Variants in EPB41L5 observed in about 807,000 individuals in gnomAD.
EPB41L5 encodes the protein band 4.1-like protein 5.
A neutral mutation model predicts 106.6 loss-of-function variants in EPB41L5; 55 were observed. That is an observed-to-expected ratio of 0.52 (90% CI 0.42 to 0.65). EPB41L5 has a LOEUF of 0.65. Among genes scored for constraint, EPB41L5 ranks in the 30% least tolerant of loss-of-function variants. The pLI, the probability that EPB41L5 is intolerant of heterozygous loss-of-function variation, is 0.00. For synonymous variants in EPB41L5, 297 were observed against 306.7 expected, an observed-to-expected ratio of 0.97 and a Z score of 0.33; for missense variants, 871 against 882.1, an observed-to-expected ratio of 0.99 and a Z score of 0.16.
At chr2:120,075,190 A>G (rs1191832008) in intron 5 of EPB41L5, among the ~76,000 whole-genome samples, 1 of 152,212 alleles carries the variant, frequency 6.6e-6, no homozygotes, top group Non-Finnish European at 1.5e-5. Flanking sequence ...GTTTACAATT[A>G]CGTATTTTAC....
chr2:120,134,005 C>T (rs1043114285), intron 18 of EPB41L5, among the ~76,000 whole-genome samples: 10 of 152,032 alleles, frequency 6.6e-5, no homozygotes, highest in Admixed American at 2.6e-4. Flanking sequence ...TACCATGGGC[C>T]GGAAGGGAAC....
intron 2 of EPB41L5, among the ~76,000 whole-genome samples, chr2:120,041,113 A>ATACCC (rs751307530): frequency 6.6e-6 from 1 of 152,190 alleles, no homozygotes; most frequent in Non-Finnish European, 1.5e-5. Flanking sequence ...TAGCAACAAC[A>ATACCC]TACCCCTTTT....
intron 4 of EPB41L5, 71 bp downstream of exon 4, chr2:120,073,291 G>A: frequency 8.0e-6 from 10 of 1,254,054 alleles, no homozygotes; most frequent in Non-Finnish European, 1.0e-5. Flanking sequence ...ATTTCTAATA[G>A]GATGTAAGAA....
intron 2 of EPB41L5, among the ~76,000 whole-genome samples, chr2:120,020,424 A>G (rs1176829760): frequency 6.6e-6 from 1 of 152,190 alleles, no homozygotes; most frequent in Non-Finnish European, 1.5e-5. Flanking sequence ...AATATGATAA[A>G]ATTAATCAAA....
At chr2:120,161,683 C>T (rs1302396814) in intron 21 of EPB41L5, among the ~76,000 whole-genome samples, 4 of 152,240 alleles carry the variant, frequency 2.6e-5, no homozygotes, top group East Asian at 3.9e-4. Context: ...GGTACTGGTC[C>T]ATGGCCTGTT....
chr2:120,168,552 A>C (rs1257587538), intron 24 of EPB41L5, among the ~76,000 whole-genome samples: 1 of 152,192 alleles, frequency 6.6e-6, no homozygotes, highest in Non-Finnish European at 1.5e-5. Context: ...CCATAACTGC[A>C]CCTGTTTTAC....
intron 5 of EPB41L5, chr2:120,074,440 C>T (rs1486506528): frequency 3.2e-6 from 1 of 317,086 alleles, no homozygotes; most frequent in African/African-American, 2.2e-5. Context: ...TCACTCTCAA[C>T]TCAGGAATGT....
At chr2:120,088,543 C>T (rs969908780) in intron 11 of EPB41L5, among the ~76,000 whole-genome samples, 3 of 152,048 alleles carry the variant, frequency 2.0e-5, no homozygotes, top group South Asian at 2.1e-4. Context: ...CACCATGACA[C>T]GTGTTTACCT....
At chr2:120,036,547 C>T (rs576225695) in intron 2 of EPB41L5, among the ~76,000 whole-genome samples, 1 of 152,226 alleles carries the variant, frequency 6.6e-6, no homozygotes, top group African/African-American at 2.4e-5. Context: ...TAAAAGATAA[C>T]AAACTGTGTG....
intron 3 of EPB41L5, among the ~76,000 whole-genome samples, chr2:120,069,535 A>T (rs1287942505): frequency 6.6e-6 from 1 of 152,106 alleles, no homozygotes; most frequent in African/African-American, 2.4e-5. Flanking sequence ...TCATCACTAC[A>T]TCACACTTTA....
At chr2:120,071,160 G>A (rs1389562200) in intron 3 of EPB41L5, among the ~76,000 whole-genome samples, 1 of 152,162 alleles carries the variant, frequency 6.6e-6, no homozygotes, top group African/African-American at 2.4e-5. Context: ...CAAAGTCAAT[G>A]TGCAAAAATC....
intron 24 of EPB41L5, among the ~76,000 whole-genome samples, chr2:120,172,005 AACTT>A (rs1687695923): frequency 8.3e-6 from 1 of 120,498 alleles, no homozygotes; most frequent in Non-Finnish European, 1.8e-5. Flanking sequence ...AATAACAGGA[AACTT>A]AAAAAAAAAA....
chr2:120,148,643 C>T (rs768313346), intron 20 of EPB41L5, among the ~76,000 whole-genome samples: 14 of 152,040 alleles, frequency 9.2e-5, no homozygotes, highest in Admixed American at 5.2e-4. Flanking sequence ...TTACATTCAA[C>T]GTAATATTTT....
intron 8 of EPB41L5, 31 bp from the exon 9 acceptor site, chr2:120,077,198 T>C (rs35610730): frequency 6.3e-7 from 1 of 1,587,800 alleles, no homozygotes; most frequent in Non-Finnish European, 8.6e-7. Flanking sequence ...ATATTTATTG[T>C]TACTTTAAAA....
At position 120,131,331 on chromosome 2, in the gene EPB41L5, G is replaced by A. The variant is rs1685677197; in HGVS notation, c.1502-287G>A. Among the ~76,000 whole-genome samples the A allele has an allele frequency of 2.0e-5, 3 of 152,126 alleles. No homozygotes were observed. In the South Asian group the frequency reaches 6.2e-4, roughly 32 times the overall value. On this transcript the variant is annotated intron_variant, in intron 17 of 24. Transcript: ENST00000263713. Reference sequence around the variant, plus strand: ...CTGTGCCTTTTGGGTCTCTTGGCTAGGTAAACCTTCTTAACCACACATGCT... The same window carrying A: ...CTGTGCCTTTTGGGTCTCTTGGCTAAGTAAACCTTCTTAACCACACATGCT...
rs374153481 is a variant in EPB41L5, at chr2:120,146,323, T to A, written c.1793+34T>A. 392 of 1,478,058 alleles carry A rather than the reference T, an allele frequency of 2.7e-4. 1 individual carries two copies. The highest frequency in any genetic ancestry group is 3.7e-4 in the Admixed American group (21 of 56,230). 91.6% of individuals were successfully genotyped at this position (1,478,058 alleles called of 1,614,324 possible). A position where few individuals can be genotyped will look rare whatever the true frequency, so the allele number is the denominator to read the frequency against. ...CTGGGTAGACTGAATTAAATTGATG[T>A]TCTTATCTATCTTTGTCTTTTTTTT... On this transcript the variant is annotated intron_variant, in intron 20 of 24. Transcript: ENST00000263713.
chr2:120,072,969 T>C (rs2105317734), intron 3 of EPB41L5, among the ~76,000 whole-genome samples: 1 of 152,214 alleles, frequency 6.6e-6, no homozygotes, highest in Middle Eastern at 3.4e-3. Flanking sequence ...TAGGTCGTTT[T>C]TGTTCACGTG....
At chr2:120,033,917 G>C (rs544644904) in intron 2 of EPB41L5, among the ~76,000 whole-genome samples, 1 of 151,286 alleles carries the variant, frequency 6.6e-6, no homozygotes, top group South Asian at 2.1e-4. Context: ...AACATTATGA[G>C]AACTCTGTCT....
At chr2:120,053,576 C>T (rs1325363732) in intron 3 of EPB41L5, among the ~76,000 whole-genome samples, 1 of 152,158 alleles carries the variant, frequency 6.6e-6, no homozygotes, top group Non-Finnish European at 1.5e-5. Flanking sequence ...TGAATGGAAT[C>T]ATGTAATAGG....
Sources: allele counts gnomAD v4.1 joint callset (sites outside exome capture counted in the v4.1 genomes callset), GRCh38; gene constraint gnomAD v4.1.1; transcripts MANE v1.5; gene names NCBI Gene and HGNC (gene_info 2026-07-23, HGNC 2026-07-21).